Variants in ERICH3 observed in about 807,000 individuals in gnomAD.
ERICH3 encodes glutamate-rich protein 3.
ERICH3 carries 126 observed loss-of-function variants against 131.1 expected under a neutral mutation model. The ratio of observed to expected loss-of-function variants is 0.96; its 90% CI spans 0.83 to 1.11. The LOEUF (loss-of-function observed/expected upper bound fraction) is 1.11, where lower values mean the gene tolerates loss of function less well. Ranked by LOEUF, ERICH3 falls within the 50% of genes most tolerant of loss-of-function variation. The probability of loss-of-function intolerance (pLI) is 0.00; values close to 1 mark genes in which losing one functional copy is unlikely to be tolerated. For synonymous variants in ERICH3, 695 were observed against 644.6 expected (o/e 1.08, Z -1.18); for missense variants, 2,050 against 1,810.7 (o/e 1.13, Z -2.40).
chr1:74,650,867 TGTA>T lies in ERICH3; in HGVS notation c.24-1555_24-1553del, dbSNP rs771461142. ...GTGTGTGTGTGTGTGTGTGTGTGTGTGTATACTTATATACACATAGAAAGAGAG... is the reference window on the plus strand; with the variant it reads ...GTGTGTGTGTGTGTGTGTGTGTGTGTTACTTATATACACATAGAAAGAGAG... On this transcript the variant is annotated intron_variant, in intron 1 of 14. Coordinates refer to ENST00000326665, the MANE Select transcript of ERICH3 (RefSeq NM_001002912.5). 4.1e-3 allele frequency among the ~76,000 whole-genome samples: 613 copies of T among 151,272 alleles called. 5 individuals are homozygous for T. In the Middle Eastern group the frequency reaches 0.055, roughly 14 times the overall value.
At chr1:74,635,365 C>T (rs1646378985) in intron 6 of ERICH3, among the ~76,000 whole-genome samples, 3 of 152,046 alleles carry the variant, frequency 2.0e-5, no homozygotes, top group African/African-American at 7.2e-5. Flanking sequence ...AACTGAAAAG[C>T]ATATTAAGCA....
chr1:74,643,161 G>A, intron 3 of ERICH3, 63 bp from the exon 4 acceptor site: 1 of 1,273,840 alleles, frequency 7.9e-7, no homozygotes, highest in Non-Finnish European at 1.1e-6. Flanking sequence ...CCAGTTTAGA[G>A]GAAAATAATT....
At chr1:74,644,090 A>G (rs183858749) in intron 3 of ERICH3, among the ~76,000 whole-genome samples, 4 of 152,094 alleles carry the variant, frequency 2.6e-5, no homozygotes, top group Admixed American at 2.6e-4. Context: ...AATTAGACAT[A>G]TTTGAGAGTG....
At position 74,571,101 on chromosome 1, in the gene ERICH3, T is replaced by C. The variant is rs779983060; in HGVS notation, c.*16A>G. 12 of 1,605,862 alleles carry C rather than the reference T, an allele frequency of 7.5e-6. No individual in the cohort carries two copies. In the East Asian group the frequency reaches 2.5e-4, roughly 33 times the overall value. The stretch of plus-strand genomic sequence containing the variant: ...AAAGACATTACGCTTAAACTCACTG[T>C]CTGCCAGCAAGTCTCCTAGACCTGC... On this transcript the variant is annotated splice_region_variant and 3_prime_UTR_variant, in exon 14 of 15. Coordinates refer to ENST00000326665, the MANE Select transcript of ERICH3 (RefSeq NM_001002912.5).
chr1:74,579,795 G>A, intron 12 of ERICH3: 1 of 985,144 alleles, frequency 1.0e-6, no homozygotes, highest in African/African-American at 1.7e-5. Context: ...ATCCCCTAAG[G>A]CTCCTGTCTT....
At chr1:74,662,527 T>G (rs1291330960) in intron 1 of ERICH3, among the ~76,000 whole-genome samples, 3 of 152,094 alleles carry the variant, frequency 2.0e-5, no homozygotes, top group Non-Finnish European at 4.4e-5. Flanking sequence ...CTGAAATTAA[T>G]TTATGACTTA....
Position 74,643,471 on chromosome 1 carries a change from A to G in ERICH3, c.244-373T>C, listed in dbSNP as rs547180980. On this transcript the variant is annotated intron_variant, in intron 3 of 14. Coordinates refer to ENST00000326665, the MANE Select transcript of ERICH3 (RefSeq NM_001002912.5). The stretch of plus-strand genomic sequence containing the variant: ...AGAAACAATATGAACTATAAAGAGA[A>G]TGGCTATATTTCTGGCACATCCATA... Among the ~76,000 whole-genome samples the G allele has an allele frequency of 2.6e-5, 4 of 152,250 alleles. No individual in the cohort carries two copies. The South Asian group carries it at 8.3e-4, about 32-fold the overall frequency.
At position 74,568,299 on chromosome 1, in the gene ERICH3, G is replaced by A. The variant is rs903726552; in HGVS notation, c.*2159C>T. 3 of 152,136 alleles carry A rather than the reference G, an allele frequency of 2.0e-5. No homozygotes were observed. The highest frequency in any genetic ancestry group is 7.2e-5 in the African/African-American group (3 of 41,462). The allele number at this position is 152,136 out of a possible 1,614,324, so 9.4% of individuals were successfully genotyped here. On this transcript the variant is annotated 3_prime_UTR_variant, in exon 15 of 15. Coordinates refer to ENST00000326665, the MANE Select transcript of ERICH3 (RefSeq NM_001002912.5). ...AGATTGTAAAATTATGTTATGGGAT[G>A]TTTTGATGGAGTGTGTTAAATATAA... is the stretch of plus-strand genomic sequence containing the variant.
At chr1:74,596,903 C>T (rs1179639746) in intron 11 of ERICH3, among the ~76,000 whole-genome samples, 5 of 151,968 alleles carry the variant, frequency 3.3e-5, no homozygotes, top group Admixed American at 2.0e-4. Flanking sequence ...CAAGGCAGGC[C>T]GACACAATTG....
In ERICH3 at chr1:74,589,879, T is replaced by C; in HGVS notation, c.1928A>G (p.Glu643Gly). 1 of 1,614,100 alleles carries C rather than the reference T, an allele frequency of 6.2e-7. No homozygotes were observed. Among genetic ancestry groups the C allele is most frequent in the Non-Finnish European group, 8.5e-7 (1 of 1,179,976 alleles). Residue 643 changes from glutamate to glycine, a missense_variant, in exon 12 of 15, where the codon GAA becomes GGA. Glu to Gly is a moderately conservative substitution (Grantham distance 98). Transcript: ENST00000326665. The part of the protein sequence containing the change: ...HLPIEESLEI[E>G]IEDQEITKAD... Reference sequence around the variant, plus strand: ...TTTTGTTATTTCTTGGTCTTCAATTTCAATTTCTAAGGATTCCTCAATTGG... The same window carrying C: ...TTTTGTTATTTCTTGGTCTTCAATTCCAATTTCTAAGGATTCCTCAATTGG...
intron 11 of ERICH3, among the ~76,000 whole-genome samples, chr1:74,596,746 C>T (rs1647870869): frequency 2.0e-5 from 3 of 151,944 alleles, no homozygotes; most frequent in South Asian, 2.1e-4. Context: ...CTGGGGTTGC[C>T]AACACAAATG....
chr1:74,584,643 T>G (rs1055569861), intron 12 of ERICH3, among the ~76,000 whole-genome samples: 2 of 152,132 alleles, frequency 1.3e-5, no homozygotes, highest in African/African-American at 4.8e-5. Flanking sequence ...CACTCTATTA[T>G]CCCTTTACCC....
intron 7 of ERICH3, among the ~76,000 whole-genome samples, chr1:74,630,261 G>C (rs1269538189): frequency 1.3e-5 from 2 of 152,190 alleles, no homozygotes; most frequent in African/African-American, 4.8e-5. Flanking sequence ...AGCATGCAGA[G>C]TGAAAAATTA....
rs557464478 is a variant in ERICH3, at chr1:74,633,680, AG to A, written c.604-1753del. Among the ~76,000 whole-genome samples the A allele has an allele frequency of 2.9e-3, 443 of 152,182 alleles. 2 individuals are homozygous for A. Among genetic ancestry groups the A allele is most frequent in the African/African-American group, 0.01 (431 of 41,582 alleles). ...AAGTTAAAACAATACCCTATTACTT[AG>A]GTATCTTCCAATTGTTCACTATTGC... On this transcript the variant is annotated intron_variant, in intron 6 of 14. Coordinates refer to ENST00000326665, the MANE Select transcript of ERICH3 (RefSeq NM_001002912.5).
chr1:74,634,836 G>C, intron 6 of ERICH3: 1 of 589,072 alleles, frequency 1.7e-6, no homozygotes, highest in Non-Finnish European at 3.0e-6. Flanking sequence ...CCATTCCCAA[G>C]ATGAGATGGG....
At chr1:74,674,138 G>C (rs530622253), upstream of ERICH3, among the ~76,000 whole-genome samples, 10 of 152,158 alleles carry the variant, frequency 6.6e-5, no homozygotes, top group Non-Finnish European at 1.3e-4. Context: ...TTTGGGTTTT[G>C]AATTTGTTTC....
chr1:74,620,379 T>C (rs1215739739), intron 8 of ERICH3, among the ~76,000 whole-genome samples: 2 of 152,218 alleles, frequency 1.3e-5, no homozygotes, highest in Admixed American at 6.5e-5. Flanking sequence ...GGTATTTTTC[T>C]CTTAGAATAA....
chr1:74,603,185 T>C (rs1350520337), intron 10 of ERICH3, among the ~76,000 whole-genome samples: 1 of 151,830 alleles, frequency 6.6e-6, no homozygotes, highest in Non-Finnish European at 1.5e-5. Context: ...CTCTTGAGTA[T>C]GAGGGACACA....
Position 74,643,060 on chromosome 1 carries a change from G to T in ERICH3, c.282C>A (p.Thr94=). The T allele has an allele frequency of 1.2e-6, 2 of 1,611,054 alleles. No individual in the cohort carries two copies. The highest frequency in any genetic ancestry group is 8.5e-7 in the Non-Finnish European group (1 of 1,178,308). Residue 94 remains threonine (T), a synonymous_variant, in exon 4 of 15, where the codon ACC becomes ACA. Transcript: ENST00000326665. ...HQLEIKKKLE[T]LARKERIQRF... is the part of the protein sequence containing the mutation. ...TCTGGATTCGCTCCTTCCTAGCTAAGGTCTCCAATTTCTTTTTTATTTCAA... is the reference window on the plus strand; with the variant it reads ...TCTGGATTCGCTCCTTCCTAGCTAATGTCTCCAATTTCTTTTTTATTTCAA...
Sources: allele counts gnomAD v4.1 joint callset (sites outside exome capture counted in the v4.1 genomes callset), GRCh38; gene constraint gnomAD v4.1.1; transcripts MANE v1.5; gene names NCBI Gene and HGNC (gene_info 2026-07-23, HGNC 2026-07-21).